Variants in MUC15 observed in about 807,000 individuals in gnomAD.
MUC15 encodes the protein mucin 15, cell surface associated.
Under a neutral mutation model 24.0 loss-of-function variants are expected in MUC15, and 23 were observed. The observed-to-expected ratio is 0.96, with a 90% CI of 0.69 to 1.36. The LOEUF is 1.36. MUC15 is among the 40% of genes most tolerant of loss of function. The pLI, the probability that MUC15 is intolerant of heterozygous loss-of-function variation, is 0.00. For missense variants in MUC15, 442 were observed against 428.2 expected (o/e 1.03, Z -0.29); for synonymous variants, 151 against 156.3 (o/e 0.97, Z 0.25).
chr11:26,563,441 G>A (rs1850384145), intron 3 of MUC15, among the ~76,000 whole-genome samples, 176 bp from the exon 4 acceptor site: 1 of 144,004 alleles, frequency 6.9e-6, no homozygotes, highest in Non-Finnish European at 1.5e-5. Context: ...GTCTTGTAAA[G>A]TACTATTTGG....
chr11:26,566,455 G>A (rs1850587963), intron 2 of MUC15, among the ~76,000 whole-genome samples: 1 of 151,734 alleles, frequency 6.6e-6, no homozygotes, highest in Non-Finnish European at 1.5e-5. Flanking sequence ...CATTTTATTA[G>A]TATCTAGTTT....
At chr11:26,563,311 A>C (rs1401032833) in intron 3 of MUC15, 46 bp from the exon 4 acceptor site, 1 of 1,540,232 alleles carries the variant, frequency 6.5e-7, no homozygotes, top group African/African-American at 1.4e-5. Context: ...AATTATTCAA[A>C]GAACCGAACT....
rs759820552 is a variant in MUC15 at position 26,565,781 on chromosome 11, AT to A, written c.158del (p.Asn53IlefsTer4). 5.6e-6 allele frequency: 9 copies of A among 1,613,088 alleles called. No individual in the cohort carries two copies. The East Asian group carries it at 2.0e-4, about 36-fold the overall frequency. On this transcript the variant is annotated frameshift_variant, in exon 3 of 5. Coordinates refer to ENST00000529533, the MANE Select transcript of MUC15 (RefSeq NM_001135091.2). LOFTEE classifies it high-confidence loss of function. ...SLLSGSHGKE[N>X]QDINTTQNIA... ...TGTTCTGTGTTGTGTTTATGTCTTGATTTTCTTTTCCATGGCTCCCCGATAG... is the reference window on the plus strand; with the variant it reads ...TGTTCTGTGTTGTGTTTATGTCTTGATTTCTTTTCCATGGCTCCCCGATAG...
At chr11:26,568,192 A>T (rs1850670982) in intron 1 of MUC15, among the ~76,000 whole-genome samples, 1 of 152,092 alleles carries the variant, frequency 6.6e-6, no homozygotes, top group South Asian at 2.1e-4. Flanking sequence ...TATGCATTTG[A>T]TATATCAGCT....
In MUC15 at chr11:26,565,773, A is replaced by C. The variant is rs754339048; in HGVS notation, c.167T>G (p.Ile56Arg). The change falls in exon 3 of 5, where the codon ATA becomes AGA. Residue 56 changes from isoleucine (I) to arginine (R), a missense_variant. Ile to Arg is a moderately conservative substitution (Grantham distance 97, BLOSUM62 -3). Coordinates refer to ENST00000529533, the MANE Select transcript of MUC15 (RefSeq NM_001135091.2). ...TTCTGCAATGTTCTGTGTTGTGTTTATGTCTTGATTTTCTTTTCCATGGCT... is the reference window on the plus strand; with the variant it reads ...TTCTGCAATGTTCTGTGTTGTGTTTCTGTCTTGATTTTCTTTTCCATGGCT... ...SGSHGKENQD[I>R]NTTQNIAEVF... The C allele has an allele frequency of 2.5e-6, 4 of 1,613,150 alleles. No individual in the cohort carries two copies. Among genetic ancestry groups the C allele is most frequent in the Non-Finnish European group, 3.4e-6 (4 of 1,179,516 alleles).
At position 26,559,682 on chromosome 11, in the gene MUC15, T is replaced by C. The variant is rs1295302179; in HGVS notation, c.*1383A>G. On this transcript the variant is annotated 3_prime_UTR_variant, in exon 5 of 5. Coordinates refer to ENST00000529533, the MANE Select transcript of MUC15 (RefSeq NM_001135091.2). Reference sequence around the variant, plus strand: ...GTATTCACTGGCTTATTATAATCAATTTGCATGACTAATATTTCTGTTTGT... The same window carrying C: ...GTATTCACTGGCTTATTATAATCAACTTGCATGACTAATATTTCTGTTTGT... 1 of 1,487,140 alleles carries C rather than the reference T, an allele frequency of 6.7e-7. No individual in the cohort carries two copies. The highest frequency in any genetic ancestry group is 2.3e-5 in the East Asian group (1 of 44,222). 92.1% of individuals were successfully genotyped at this position (1,487,140 alleles called of 1,614,324 possible). A position where few individuals can be genotyped will look rare whatever the true frequency, so the allele number is the denominator to read the frequency against.
chr11:26,570,758 A>T (rs1377735052), intron 1 of MUC15, among the ~76,000 whole-genome samples: 2 of 152,190 alleles, frequency 1.3e-5, no homozygotes, highest in Admixed American at 6.6e-5. Flanking sequence ...TGTAGCTAAC[A>T]TCTCAGGAAG....
chr11:26,569,266 G>A (rs1355180231), intron 1 of MUC15, among the ~76,000 whole-genome samples: 1 of 152,116 alleles, frequency 6.6e-6, no homozygotes, highest in Non-Finnish European at 1.5e-5. Flanking sequence ...CTCTGTTACT[G>A]CCTATAATTT....
chr11:26,564,718 CACACACACACACACATAT>C (rs1850458621), intron 3 of MUC15, among the ~76,000 whole-genome samples: 4 of 74,930 alleles, frequency 5.3e-5, no homozygotes, highest in Non-Finnish European at 1.0e-4. Context: ...CACACACACA[CACACACACACACACATAT>C]ATATATATAT....
At position 26,565,184 on chromosome 11, in the gene MUC15, ATTTGGAAAGAGT is replaced by A. The variant is rs1850516921; in HGVS notation, c.744_755del (p.Lys248_Pro251del). 2 of 1,506,038 alleles carry A rather than the reference ATTTGGAAAGAGT, an allele frequency of 1.3e-6. No individual in the cohort carries two copies. The highest frequency in any genetic ancestry group is 1.8e-6 in the Non-Finnish European group (2 of 1,127,778). The allele number at this position is 1,506,038 out of a possible 1,614,324, so 93.3% of individuals were successfully genotyped here. On this transcript the variant is annotated inframe_deletion, in exon 3 of 5. Transcript: ENST00000529533. ...ATTTACCTTTTTGGGGATCTGACGT[ATTTGGAAAGAGT>A]TTTGAATTATTGGTGAATTTTAAGG...
intron 4 of MUC15, among the ~76,000 whole-genome samples, chr11:26,562,601 G>C (rs2134253391): frequency 6.6e-6 from 1 of 151,896 alleles, no homozygotes; most frequent in East Asian, 1.9e-4. Context: ...CCTGAATTAA[G>C]GTACAATGTG....
chr11:26,562,746 T>C (rs1354158355), intron 4 of MUC15, among the ~76,000 whole-genome samples: 1 of 151,918 alleles, frequency 6.6e-6, no homozygotes, highest in Non-Finnish European at 1.5e-5. Flanking sequence ...AAATTACTGC[T>C]ACTTAATGAT....
At chr11:26,567,849 A>C (rs2134277119) in intron 1 of MUC15, among the ~76,000 whole-genome samples, 1 of 152,150 alleles carries the variant, frequency 6.6e-6, no homozygotes. Context: ...GCTGTATGCA[A>C]CGACATGGAT....
At position 26,559,875 on chromosome 11, in the gene MUC15, C is replaced by G. The variant is rs545476571; in HGVS notation, c.*1190G>C. ...ACACACACACACACACACACACACACCATGAATCAATTCAAAAATAAAGCC... is the reference window on the plus strand; with the variant it reads ...ACACACACACACACACACACACACAGCATGAATCAATTCAAAAATAAAGCC... On this transcript the variant is annotated 3_prime_UTR_variant, in exon 5 of 5. Transcript: ENST00000529533. 3.8e-6 allele frequency: 3 copies of G among 786,934 alleles called. No homozygotes were observed. Among genetic ancestry groups the G allele is most frequent in the Non-Finnish European group, 6.3e-6 (3 of 479,488 alleles). 48.7% of individuals were successfully genotyped at this position (786,934 alleles called of 1,614,324 possible). A position where few individuals can be genotyped will look rare whatever the true frequency, so the allele number is the denominator to read the frequency against.
intron 1 of MUC15, among the ~76,000 whole-genome samples, chr11:26,567,522 A>T (rs556728123): frequency 7.2e-5 from 11 of 152,128 alleles, no homozygotes; most frequent in African/African-American, 2.6e-4. Context: ...CCTCTCTTAC[A>T]TAATAATTTC....
In MUC15 at chr11:26,561,210, T is replaced by C. The variant is rs1850277431; in HGVS notation, c.941A>G (p.Asn314Ser). ...ACTCACATCATAAGGTTCCGGTGCA[T>C]TGTCTAATCGCAGAACTAAAAAAGT... ...DRNEPVLRLD[N>S]APEPYDVSFG... Residue 314 changes from asparagine (N) to serine (S), a missense_variant, in exon 5 of 5, where the codon AAT (asparagine) becomes AGT (serine). Transcript: ENST00000529533. 6.2e-7 allele frequency: 1 copy of C among 1,607,242 alleles called. No homozygotes were observed. Among genetic ancestry groups the C allele is most frequent in the African/African-American group, 1.3e-5 (1 of 74,404 alleles).
At chr11:26,567,521 C>T (rs1850637599) in intron 1 of MUC15, among the ~76,000 whole-genome samples, 1 of 151,946 alleles carries the variant, frequency 6.6e-6, no homozygotes, top group Non-Finnish European at 1.5e-5. Flanking sequence ...TCCTCTCTTA[C>T]ATAATAATTT....
At position 26,565,394 on chromosome 11, in the gene MUC15, A is replaced by T; in HGVS notation, c.546T>A (p.Asn182Lys). ...SSENFTWSLV[N>K]DTVKTPDNSS... ...TGTTATCAGGAGTTTTCACGGTGTC[A>T]TTGACCAAAGACCAAGTGAAGTTTT... is the stretch of plus-strand genomic sequence containing the variant. Residue 182 changes from asparagine (N) to lysine (K), a missense_variant, in exon 3 of 5, where the codon AAT (asparagine) becomes AAA (lysine). Transcript: ENST00000529533. 6.2e-7 allele frequency: 1 copy of T among 1,613,294 alleles called. No homozygotes were observed. Among genetic ancestry groups the T allele is most frequent in the Non-Finnish European group, 8.5e-7 (1 of 1,179,502 alleles).
intron 1 of MUC15, among the ~76,000 whole-genome samples, chr11:26,571,199 A>G (rs1850811216): frequency 6.6e-6 from 1 of 152,060 alleles, no homozygotes; most frequent in Admixed American, 6.6e-5. Flanking sequence ...GTTTCTCCGA[A>G]AGGAAAGTTC....
Sources: allele counts gnomAD v4.1 joint callset (sites outside exome capture counted in the v4.1 genomes callset), GRCh38; gene constraint gnomAD v4.1.1; transcripts MANE v1.5; gene names NCBI Gene and HGNC (gene_info 2026-07-23, HGNC 2026-07-21).